Variants in ASPH observed in about 807,000 individuals in gnomAD.
The protein encoded by ASPH is aspartyl/asparaginyl beta-hydroxylase.
In ASPH, 100 loss-of-function variants were observed where a neutral mutation model predicts 118.4. The observed-to-expected ratio is 0.84, with a 90% CI of 0.72 to 1.00. ASPH has a LOEUF of 1.00. Ranked by LOEUF, ASPH falls within the 50% of genes least tolerant of loss-of-function variation. ASPH has a pLI of 0.00. For missense variants in ASPH, 920 were observed against 919.5 expected (o/e 1.00, Z -0.01); for synonymous variants, 315 against 325.6 (o/e 0.97, Z 0.35).
At chr8:61,626,299 A>G in intron 13 of ASPH, 1 of 1,557,560 alleles carries the variant, frequency 6.4e-7, no homozygotes. Flanking sequence ...ATAAGGGGAA[A>G]TCTAAATTAA....
intron 24 of ASPH, among the ~76,000 whole-genome samples, chr8:61,509,372 G>T (rs1244375265): frequency 1.3e-5 from 2 of 152,226 alleles, no homozygotes; most frequent in Non-Finnish European, 2.9e-5. Flanking sequence ...ACAAGGAATG[G>T]ATTATTCATG....
At chr8:61,546,958 A>T (rs1314637032) in intron 21 of ASPH, among the ~76,000 whole-genome samples, 6 of 152,222 alleles carry the variant, frequency 3.9e-5, no homozygotes, top group African/African-American at 1.4e-4. Flanking sequence ...CACATGTAAA[A>T]TCAATTGTTT....
chr8:61,691,276 A>G (rs1359786388), intron 1 of ASPH, among the ~76,000 whole-genome samples: 1 of 152,182 alleles, frequency 6.6e-6, no homozygotes, highest in Non-Finnish European at 1.5e-5. Context: ...GGTTGGTACC[A>G]TAGTCTGCAA....
Position 61,503,248 on chromosome 8 carries a change from C to T in ASPH, c.*111G>A. 7.8e-7 allele frequency: 1 copy of T among 1,282,984 alleles called. No individual in the cohort carries two copies. The allele number at this position is 1,282,984 out of a possible 1,614,324, so 79.5% of individuals were successfully genotyped here. A position where few individuals can be genotyped will look rare whatever the true frequency, so the allele number is the denominator to read the frequency against. On this transcript the variant is annotated 3_prime_UTR_variant, in exon 25 of 25. Coordinates refer to ENST00000379454, the MANE Select transcript of ASPH (RefSeq NM_004318.4). ...AGGAGGCTTTGAATTACTCGGGCTGCAAGTCAAGGGAATTGACTCTTGGTG... is the reference window on the plus strand; with the variant it reads ...AGGAGGCTTTGAATTACTCGGGCTGTAAGTCAAGGGAATTGACTCTTGGTG...
intron 13 of ASPH, chr8:61,626,368 C>G: frequency 7.5e-7 from 1 of 1,335,284 alleles, no homozygotes. Flanking sequence ...TTTTAAAAAA[C>G]CCACCAACAA....
chr8:61,617,264 T>C (rs545607495), intron 14 of ASPH, among the ~76,000 whole-genome samples: 4 of 152,176 alleles, frequency 2.6e-5, no homozygotes, highest in South Asian at 4.1e-4. Context: ...GTCAAGGAGA[T>C]GAGAAACATC....
At chr8:61,592,754 A>T (rs1841510731) in intron 14 of ASPH, among the ~76,000 whole-genome samples, 1 of 152,214 alleles carries the variant, frequency 6.6e-6, no homozygotes, top group Non-Finnish European at 1.5e-5. Flanking sequence ...TTAACCCAAG[A>T]TAGGACCCCT....
chr8:61,642,762 T>C (rs1805779694), intron 10 of ASPH, 126 bp downstream of exon 10: 2 of 774,302 alleles, frequency 2.6e-6, no homozygotes, highest in East Asian at 3.1e-5. Flanking sequence ...AGAGAATCGC[T>C]TGTACCCAGG....
chr8:61,604,920 C>T (rs1845117987), intron 14 of ASPH, among the ~76,000 whole-genome samples: 1 of 152,166 alleles, frequency 6.6e-6, no homozygotes, highest in Non-Finnish European at 1.5e-5. Context: ...AAATTAATGG[C>T]ACTATTGAAT....
At chr8:61,609,417 C>G (rs1159254601) in intron 14 of ASPH, among the ~76,000 whole-genome samples, 1 of 152,076 alleles carries the variant, frequency 6.6e-6, no homozygotes, top group African/African-American at 2.4e-5. Context: ...TCATTCCATG[C>G]TCACCCACAT....
intron 11 of ASPH, 131 bp downstream of exon 11, chr8:61,638,191 A>G (rs1858738782): frequency 7.9e-7 from 1 of 1,261,912 alleles, no homozygotes; most frequent in South Asian, 1.4e-5. Context: ...TTGATACTCA[A>G]TTATTTTCTT....
In ASPH at chr8:61,714,288, G is replaced by A. The variant is rs1208537021; in HGVS notation, c.84C>T (p.Ser28=). ...SGSGSTSAGS[S]SPGARRETKH... is the part of the protein sequence containing the mutation. ...TCTGACCTCTCCGGGCCCCGGGGCTGCTGCTGCCCGCACTCGTGCTACCGC... is the reference window on the plus strand; with the variant it reads ...TCTGACCTCTCCGGGCCCCGGGGCTACTGCTGCCCGCACTCGTGCTACCGC... Residue 28 remains serine, a synonymous_variant, in exon 1 of 25, where the codon AGC becomes AGT. Transcript: ENST00000379454. 2.6e-6 allele frequency: 4 copies of A among 1,520,714 alleles called. No individual in the cohort carries two copies. The highest frequency in any genetic ancestry group is 3.5e-6 in the Non-Finnish European group (4 of 1,136,164). The allele number at this position is 1,520,714 out of a possible 1,614,324, so 94.2% of individuals were successfully genotyped here.
intron 16 of ASPH, among the ~76,000 whole-genome samples, chr8:61,574,290 T>C (rs975120082): frequency 6.6e-6 from 1 of 152,300 alleles, no homozygotes; most frequent in Admixed American, 6.5e-5. Context: ...GACAGTGTGG[T>C]AATTCCTCAA....
intron 14 of ASPH, among the ~76,000 whole-genome samples, chr8:61,591,203 T>G (rs972790813): frequency 6.6e-6 from 1 of 152,194 alleles, no homozygotes; most frequent in African/African-American, 2.4e-5. Flanking sequence ...CATGCAGGCA[T>G]GAATGAAGCA....
chr8:61,632,222 A>T (rs2150760500), intron 13 of ASPH, among the ~76,000 whole-genome samples: 1 of 152,290 alleles, frequency 6.6e-6, no homozygotes, highest in East Asian at 1.9e-4. Flanking sequence ...TTTACATTCC[A>T]AATAAACTAT....
At chr8:61,683,934 C>T in intron 2 of ASPH, 105 bp downstream of exon 2, 1 of 1,325,734 alleles carries the variant, frequency 7.5e-7, no homozygotes. Flanking sequence ...CACTGAAAGG[C>T]TATAGAAATT....
chr8:61,644,751 G>A (rs1807019587), intron 6 of ASPH, 119 bp from the exon 7 acceptor site: 1 of 683,410 alleles, frequency 1.5e-6, no homozygotes, highest in Non-Finnish European at 2.2e-6. Flanking sequence ...TTAAAAAATG[G>A]GACTATCAAT....
At chr8:61,554,260 G>A (rs929970649) in intron 19 of ASPH, among the ~76,000 whole-genome samples, 3 of 152,224 alleles carry the variant, frequency 2.0e-5, no homozygotes, top group African/African-American at 4.8e-5. Flanking sequence ...GCAGGGAAGT[G>A]AGCCAGATAT....
chr8:61,534,675 T>A (rs1818826476), intron 21 of ASPH, among the ~76,000 whole-genome samples: 1 of 152,250 alleles, frequency 6.6e-6, no homozygotes, highest in Non-Finnish European at 1.5e-5. Flanking sequence ...TAAACCATTT[T>A]AATTTTGTTC....
Sources: allele counts gnomAD v4.1 joint callset (sites outside exome capture counted in the v4.1 genomes callset), GRCh38; gene constraint gnomAD v4.1.1; transcripts MANE v1.5; gene names NCBI Gene and HGNC (gene_info 2026-07-23, HGNC 2026-07-21).